MROH2A: variants seen among roughly 807,000 people sequenced by gnomAD.
MROH2A encodes the protein maestro heat like repeat family member 2A, also known as maestro heat-like repeat-containing protein family member 2A.
MROH2A carries 174 observed loss-of-function variants against 200.4 expected under a neutral mutation model. The ratio of observed to expected loss-of-function variants is 0.87; its 90% CI spans 0.77 to 0.98. The LOEUF is 0.98. Ranked by LOEUF, MROH2A falls within the 50% of genes least tolerant of loss-of-function variation. The pLI is 0.00. For synonymous variants in MROH2A, 829 were observed against 840.4 expected (o/e 0.99, Z 0.23); for missense variants, 2,045 against 2,139.6 (o/e 0.96, Z 0.87).
intron 3 of MROH2A, among the ~76,000 whole-genome samples, chr2:233,786,911 A>T (rs904478112): frequency 2.0e-5 from 3 of 152,210 alleles, no homozygotes; most frequent in African/African-American, 7.2e-5. Context: ...TTACCAGACA[A>T]AATCCATTTG....
At position 233,807,134 on chromosome 2, in the gene MROH2A, T is replaced by A. The variant is rs1284045875; in HGVS notation, c.2053-289T>A. Among the ~76,000 whole-genome samples the A allele has an allele frequency of 6.8e-6, 1 of 147,544 alleles. No individual in the cohort carries two copies. Among genetic ancestry groups the A allele is most frequent in the East Asian group, 2.0e-4 (1 of 4,892 alleles). On this transcript the variant is annotated intron_variant, in intron 19 of 41. Transcript: ENST00000389758. The surrounding 1 kb of genome is among the most constrained non-coding windows in gnomAD (Gnocchi z 4.3). ...CCAGTAATTCATTCTTTTTTGTGGC[T>A]GAGTAGTATTCCATTATATATATAT...
chr2:233,796,824 G>A (rs1412720538), intron 11 of MROH2A, among the ~76,000 whole-genome samples: 1 of 152,216 alleles, frequency 6.6e-6, no homozygotes, highest in Non-Finnish European at 1.5e-5. Context: ...GAAGAGCATG[G>A]GCAGCTCCCG....
chr2:233,780,404 G>T (rs1236071104), intron 3 of MROH2A, among the ~76,000 whole-genome samples: 1 of 152,188 alleles, frequency 6.6e-6, no homozygotes, highest in Non-Finnish European at 1.5e-5. Flanking sequence ...CTGAGAATCA[G>T]CATTTCTAAC....
At chr2:233,778,133 T>A (rs527801323), upstream of MROH2A, among the ~76,000 whole-genome samples, 1 of 152,302 alleles carries the variant, frequency 6.6e-6, no homozygotes, top group Non-Finnish European at 1.5e-5. Flanking sequence ...CAGGCCCCTG[T>A]ACTTCAGCAC....
At chr2:233,787,904 CATATATATTATATATAT>C in intron 3 of MROH2A, among the ~76,000 whole-genome samples, 1 of 45,584 alleles carries the variant, frequency 2.2e-5, no homozygotes, top group African/African-American at 1.0e-4. Context: ...ATTATATATA[CATATATATTATATATAT>C]ACATATATAT....
In MROH2A at chr2:233,813,765, A is replaced by AT; in HGVS notation, c.2748dup (p.Glu917Ter). 2 of 1,541,862 alleles carry AT rather than the reference A, an allele frequency of 1.3e-6. No individual in the cohort carries two copies. Among genetic ancestry groups the AT allele is most frequent in the Non-Finnish European group, 1.8e-6 (2 of 1,139,148 alleles). Reference sequence around the variant, plus strand: ...TCTCTCCAACTCCCAGGAGAGGACAATGAGTCCATTAAGGTAGGTCCCTCT... The same window carrying AT: ...TCTCTCCAACTCCCAGGAGAGGACAATTGAGTCCATTAAGGTAGGTCCCTCT... On this transcript the variant is annotated frameshift_variant, in exon 25 of 42. Coordinates refer to ENST00000389758, the MANE Select transcript of MROH2A (RefSeq NM_001394639.1). LOFTEE classifies it high-confidence loss of function.
rs1001894840 is a variant in MROH2A at position 233,814,760 on chromosome 2, G to A, written c.2856+83G>A. On this transcript the variant is annotated intron_variant, in intron 26 of 41. Transcript: ENST00000389758. ...ACTGAGGGCCAGACTCTGGGGAACA[G>A]GGGAGTGCATGCAACATTGTTTTAG... 12 of 872,708 alleles carry A rather than the reference G, an allele frequency of 1.4e-5. No individual in the cohort carries two copies. The African/African-American group carries it at 1.9e-4, about 14-fold the overall frequency. 54.1% of individuals were successfully genotyped at this position (872,708 alleles called of 1,614,324 possible).
chr2:233,815,250 A>T (rs1315796289), intron 26 of MROH2A, among the ~76,000 whole-genome samples: 1 of 152,202 alleles, frequency 6.6e-6, no homozygotes, highest in African/African-American at 2.4e-5. Flanking sequence ...AGGTTTTTAA[A>T]AATTGGGTTG....
At chr2:233,812,549 C>A (rs1575980202) in intron 24 of MROH2A, among the ~76,000 whole-genome samples, 1 of 152,208 alleles carries the variant, frequency 6.6e-6, no homozygotes, top group East Asian at 1.9e-4. Flanking sequence ...CTGCATCAAA[C>A]AGGCAGATTT....
intron 22 of MROH2A, 58 bp downstream of exon 22, chr2:233,809,336 C>A: frequency 1.3e-6 from 2 of 1,516,166 alleles, no homozygotes; most frequent in South Asian, 2.4e-5. Flanking sequence ...GGGTAGTAGC[C>A]TTCTGGCACT....
In MROH2A at chr2:233,822,863, G is replaced by A; in HGVS notation, c.3867-18G>A. 1 of 1,549,750 alleles carries A rather than the reference G, an allele frequency of 6.5e-7. No individual in the cohort carries two copies. Among genetic ancestry groups the A allele is most frequent in the Non-Finnish European group, 8.7e-7 (1 of 1,146,318 alleles). On this transcript the variant is annotated intron_variant, in intron 33 of 41. Coordinates refer to ENST00000389758, the MANE Select transcript of MROH2A (RefSeq NM_001394639.1). ...CTCCCAGCAGGGCAGCGCATCACAAGCTCCCACCTCCCTTCAGGGTCACTA... is the reference window on the plus strand; with the variant it reads ...CTCCCAGCAGGGCAGCGCATCACAAACTCCCACCTCCCTTCAGGGTCACTA...
At chr2:233,785,467 C>CAAA (rs34259208) in intron 3 of MROH2A, among the ~76,000 whole-genome samples, 38 of 110,660 alleles carry the variant, frequency 3.4e-4, no homozygotes, top group African/African-American at 7.3e-4. Context: ...GACTTTGTCT[C>CAAA]AAAAAAAAAA....
At chr2:233,782,404 A>C (rs1177423647) in intron 3 of MROH2A, among the ~76,000 whole-genome samples, 4 of 152,120 alleles carry the variant, frequency 2.6e-5, no homozygotes, top group African/African-American at 9.7e-5. Context: ...CCTTGCATAG[A>C]TCTTTCACTT....
chr2:233,824,934 T>C (rs1329013035), intron 35 of MROH2A, among the ~76,000 whole-genome samples: 1 of 152,258 alleles, frequency 6.6e-6, no homozygotes, highest in Non-Finnish European at 1.5e-5. Context: ...ATTTGCATGA[T>C]ACTGATTCTT....
At position 233,810,822 on chromosome 2, in the gene MROH2A, A is replaced by G; in HGVS notation, c.2477A>G (p.Lys826Arg). The change falls in exon 23 of 42, where the codon AAG becomes AGG. Residue 826 changes from lysine to arginine, a missense_variant. This residue lies in a region of MROH2A where 1,201 missense variants were observed against 1,311.3 expected (regional missense o/e 0.92). Transcript: ENST00000389758. ...ATCTGTCTCAAAATGGCCTTCATGAAGAGTGTTGTGCAGGTTACCAAGGCC... is the reference window on the plus strand; with the variant it reads ...ATCTGTCTCAAAATGGCCTTCATGAGGAGTGTTGTGCAGGTTACCAAGGCC... ...QDICLKMAFM[K>R]SVVQVTKAIN... 6.4e-7 allele frequency: 1 copy of G among 1,550,406 alleles called. No homozygotes were observed. The highest frequency in any genetic ancestry group is 1.4e-5 in the African/African-American group (1 of 73,138).
rs976864880 is a variant in MROH2A, at chr2:233,812,034, A to G, written c.2651+75A>G. 3.6e-5 allele frequency: 38 copies of G among 1,053,168 alleles called. 1 individual carries two copies. The South Asian group carries it at 4.6e-4, about 13-fold the overall frequency. 65.2% of individuals were successfully genotyped at this position (1,053,168 alleles called of 1,614,324 possible). On this transcript the variant is annotated intron_variant, in intron 24 of 41. Transcript: ENST00000389758. ...CAAGACCATTCCTCGGTGCTCCTTC[A>G]GGGGTTGTGCCTCCTTTTTCCTCTC...
At chr2:233,785,562 G>A (rs1041408541) in intron 3 of MROH2A, among the ~76,000 whole-genome samples, 2 of 152,114 alleles carry the variant, frequency 1.3e-5, no homozygotes, top group Admixed American at 1.3e-4. Context: ...GGAAGCACTA[G>A]GGTCTGTGAG....
At position 233,795,513 on chromosome 2, in the gene MROH2A, G is replaced by A. The variant is rs1468403434; in HGVS notation, c.967-140G>A. ...TTGGATTCAGCAGGACTGGGGTAGG[G>A]CCTGAGAGTCTGCATTTCTAATCAG... is the stretch of plus-strand genomic sequence containing the variant. On this transcript the variant is annotated intron_variant, in intron 8 of 41. Coordinates refer to ENST00000389758, the MANE Select transcript of MROH2A (RefSeq NM_001394639.1). 6.9e-6 allele frequency: 9 copies of A among 1,311,764 alleles called. No individual in the cohort carries two copies. The Admixed American group carries it at 1.2e-4, about 18-fold the overall frequency. 81.3% of individuals were successfully genotyped at this position (1,311,764 alleles called of 1,614,324 possible). A position where few individuals can be genotyped will look rare whatever the true frequency, so the allele number is the denominator to read the frequency against.
intron 8 of MROH2A, among the ~76,000 whole-genome samples, 177 bp downstream of exon 8, chr2:233,794,683 A>C (rs1701994098): frequency 1.3e-5 from 2 of 152,102 alleles, no homozygotes; most frequent in South Asian, 4.1e-4. Context: ...CGTGGGACTC[A>C]TGGGAATGAA....
Sources: allele counts gnomAD v4.1 joint callset (sites outside exome capture counted in the v4.1 genomes callset), GRCh38; gene constraint gnomAD v4.1.1; regional missense constraint gnomAD v4.1.1; non-coding constraint Gnocchi (gnomAD v3.1); transcripts MANE v1.5; gene names NCBI Gene and HGNC (gene_info 2026-07-23, HGNC 2026-07-21).